RIN2: variants seen among roughly 807,000 people sequenced by gnomAD.
RIN2 encodes RAB5 interacting protein 2.
A neutral mutation model predicts 78.0 loss-of-function variants in RIN2; 36 were observed. That is an observed-to-expected ratio of 0.46 (90% CI 0.35 to 0.61). The LOEUF is 0.61. Ranked by LOEUF, RIN2 falls within the 20% of genes least tolerant of loss-of-function variation. RIN2 has a pLI of 0.00. For missense variants in RIN2, 1,087 were observed against 1,159.7 expected (o/e 0.94, Z 0.91); for synonymous variants, 466 against 466.8 (o/e 1.00, Z 0.02).
intron 4 of RIN2, among the ~76,000 whole-genome samples, chr20:19,942,640 G>A (rs2040926256): frequency 1.3e-5 from 2 of 152,136 alleles, no homozygotes; most frequent in South Asian, 4.1e-4. Flanking sequence ...TGATGTTTTT[G>A]CATGACAATC....
At chr20:19,996,886 T>C (rs1382362920) in intron 12 of RIN2, 44 bp downstream of exon 12, 2 of 1,520,996 alleles carry the variant, frequency 1.3e-6, no homozygotes, top group Non-Finnish European at 1.8e-6. Flanking sequence ...CCTCCAGGAA[T>C]GCGGAGCTGG....
intron 2 of RIN2, among the ~76,000 whole-genome samples, chr20:19,836,367 A>C (rs1214674941): frequency 6.6e-6 from 1 of 152,342 alleles, no homozygotes; most frequent in South Asian, 2.1e-4. Context: ...AAATTAAAGG[A>C]TTAATCCTCA....
chr20:19,881,443 A>G, intron 2 of RIN2, among the ~76,000 whole-genome samples: 1 of 152,260 alleles, frequency 6.6e-6, no homozygotes, highest in Middle Eastern at 3.2e-3. Flanking sequence ...AAGGAAAAGA[A>G]GCAAATTAGT....
intron 8 of RIN2, among the ~76,000 whole-genome samples, chr20:19,972,414 G>A (rs528268672): frequency 2.0e-5 from 3 of 152,260 alleles, no homozygotes; most frequent in African/African-American, 4.8e-5. Flanking sequence ...GTGCCATGCC[G>A]AGAGAGGTGA....
chr20:19,834,250 C>T (rs770803087), intron 2 of RIN2, among the ~76,000 whole-genome samples: 7 of 152,268 alleles, frequency 4.6e-5, no homozygotes, highest in African/African-American at 7.2e-5. Flanking sequence ...AGATTACCTA[C>T]GAGCAAATTC....
chr20:19,955,418 C>A lies in RIN2; in HGVS notation c.159-1197C>A, dbSNP rs2041493123. ...GTGGTGGGATCATGGCTTACTGCAG[C>A]CTTAAACTCCCAGGCTAGAGCCATC... On this transcript the variant is annotated intron_variant, in intron 4 of 12. Transcript: ENST00000255006. 3.9e-5 allele frequency among the ~76,000 whole-genome samples: 6 copies of A among 152,048 alleles called. No homozygotes were observed. In the South Asian group the frequency reaches 1.0e-3, roughly 26 times the overall value.
chr20:19,915,923 C>T (rs2039665255), intron 3 of RIN2, among the ~76,000 whole-genome samples: 1 of 152,220 alleles, frequency 6.6e-6, no homozygotes, highest in Admixed American at 6.5e-5. Context: ...TTACTCCATT[C>T]TTTCCTGTTT....
At position 19,956,577 on chromosome 20, in the gene RIN2, C is replaced by T. The variant is rs750677139; in HGVS notation, c.159-38C>T. The T allele has an allele frequency of 4.4e-6, 7 of 1,593,114 alleles. No homozygotes were observed. In the Admixed American group the frequency reaches 1.2e-4, roughly 27 times the overall value. Reference sequence around the variant, plus strand: ...CGGTCTCCTTGTTAGGGAAATGGTACTGCAGCCAGCTGACCGTGCCGCTTC... The same window carrying T: ...CGGTCTCCTTGTTAGGGAAATGGTATTGCAGCCAGCTGACCGTGCCGCTTC... On this transcript the variant is annotated intron_variant, in intron 4 of 12. Coordinates refer to ENST00000255006, the MANE Select transcript of RIN2 (RefSeq NM_018993.4).
Position 19,974,743 on chromosome 20 carries a change from C to T in RIN2, c.718C>T (p.Leu240=). 2 of 1,614,046 alleles carry T rather than the reference C, an allele frequency of 1.2e-6. No homozygotes were observed. Among genetic ancestry groups the T allele is most frequent in the South Asian group, 1.1e-5 (1 of 91,082 alleles). ...CTCCGACGGTGTCTGTCCTGCCTCCCTGCGTCAGCTCTGCCTTATAAATGG... is the reference window on the plus strand; with the variant it reads ...CTCCGACGGTGTCTGTCCTGCCTCCTTGCGTCAGCTCTGCCTTATAAATGG... ...LSSDGVCPAS[L]RQLCLINGVH... is the part of the protein sequence containing the mutation. The change falls in exon 9 of 13, where the codon CTG becomes TTG. Residue 240 remains leucine, a synonymous_variant. Transcript: ENST00000255006.
intron 1 of RIN2, among the ~76,000 whole-genome samples, chr20:19,787,208 G>A (rs1436167173): frequency 1.3e-5 from 2 of 151,978 alleles, no homozygotes; most frequent in African/African-American, 4.8e-5. Flanking sequence ...AGATCACAAG[G>A]TCAGGAGTTC....
At chr20:19,943,947 G>T (rs936542645) in intron 4 of RIN2, among the ~76,000 whole-genome samples, 1 of 141,606 alleles carries the variant, frequency 7.1e-6, no homozygotes, top group Non-Finnish European at 1.5e-5. Flanking sequence ...GAATATTACA[G>T]AGACATGTTT....
intron 2 of RIN2, among the ~76,000 whole-genome samples, chr20:19,860,054 C>T (rs916046739): frequency 1.3e-5 from 2 of 152,228 alleles, no homozygotes; most frequent in African/African-American, 4.8e-5. Context: ...CAGAGTCACT[C>T]ATCCCAAGGT....
intron 12 of RIN2, among the ~76,000 whole-genome samples, chr20:19,998,774 C>T (rs879565759): frequency 1.3e-5 from 2 of 152,204 alleles, no homozygotes; most frequent in Non-Finnish European, 2.9e-5. Flanking sequence ...AAGAAGGTCC[C>T]TGTGCCACTC....
chr20:19,914,542 T>A (rs2039606162), intron 3 of RIN2, among the ~76,000 whole-genome samples: 1 of 152,198 alleles, frequency 6.6e-6, no homozygotes. Flanking sequence ...GATGTGTTAA[T>A]CAATTGCAAG....
At chr20:19,878,655 C>G (rs2037929983) in intron 2 of RIN2, among the ~76,000 whole-genome samples, 1 of 152,108 alleles carries the variant, frequency 6.6e-6, no homozygotes, top group Non-Finnish European at 1.5e-5. Flanking sequence ...CCTCTTGCCT[C>G]AGTCCCTGAA....
intron 1 of RIN2, among the ~76,000 whole-genome samples, chr20:19,787,973 A>C (rs1223110580): frequency 6.6e-6 from 1 of 151,958 alleles, no homozygotes; most frequent in East Asian, 1.9e-4. Flanking sequence ...AAAGTACTAC[A>C]CCCCTCCCTA....
intron 2 of RIN2, among the ~76,000 whole-genome samples, chr20:19,836,407 G>T (rs1284969713): frequency 6.6e-6 from 1 of 152,150 alleles, no homozygotes; most frequent in Non-Finnish European, 1.5e-5. Flanking sequence ...AAATATTAGA[G>T]CATGAAAAGA....
chr20:19,831,589 G>A (rs569738595), intron 2 of RIN2, among the ~76,000 whole-genome samples: 4 of 152,276 alleles, frequency 2.6e-5, no homozygotes, highest in African/African-American at 9.6e-5. Context: ...GACCGAGATT[G>A]TTTTATGAAC....
At chr20:19,792,382 G>A (rs1026303868) in intron 1 of RIN2, among the ~76,000 whole-genome samples, 2 of 152,122 alleles carry the variant, frequency 1.3e-5, no homozygotes, top group African/African-American at 2.4e-5. Context: ...GTCATTTCTC[G>A]TGAACATTTA....
Sources: allele counts gnomAD v4.1 joint callset (sites outside exome capture counted in the v4.1 genomes callset), GRCh38; gene constraint gnomAD v4.1.1; transcripts MANE v1.5; gene names NCBI Gene and HGNC (gene_info 2026-07-23, HGNC 2026-07-21).